The following CHCHD3 variants were observed in gnomAD, a reference collection of about 807,000 sequenced individuals.
The protein encoded by CHCHD3 is MICOS complex subunit MIC19.
CHCHD3 carries 20 observed loss-of-function variants against 38.2 expected under a neutral mutation model. The ratio of observed to expected loss-of-function variants is 0.52; its 90% confidence interval spans 0.37 to 0.76. CHCHD3 has a LOEUF of 0.76. Among genes scored for constraint, CHCHD3 ranks in the 30% least tolerant of loss-of-function variants. The probability of loss-of-function intolerance (pLI) is 0.00; values close to 1 mark genes in which losing one functional copy is unlikely to be tolerated. For synonymous variants in CHCHD3, 82 were observed against 100.0 expected (o/e 0.82, Z 1.07); for missense variants, 245 against 279.2 (o/e 0.88, Z 0.87).
chr7:132,796,373 T>A, intron 7 of CHCHD3, 69 bp downstream of exon 7: 2 of 1,583,366 alleles, frequency 1.3e-6, no homozygotes, highest in Non-Finnish European at 1.7e-6. Context: ...ATTTAGTCCT[T>A]ACCACTGCCC....
rs566466217 is a variant in CHCHD3 at position 132,785,790 on chromosome 7, T to C, written c.661-130A>G. ...TTAAAAACACAGAAAACAAGGCATA[T>C]GCTTCCTGTTCTCAAAATATTGCTC... On this transcript the variant is annotated intron_variant, in intron 7 of 7. Coordinates refer to ENST00000262570, the MANE Select transcript of CHCHD3 (RefSeq NM_017812.4). The C allele has an allele frequency of 7.0e-5, 66 of 940,680 alleles. No homozygotes were observed. In the African/African-American group the frequency reaches 8.8e-4, roughly 12 times the overall value. 58.3% of individuals were successfully genotyped at this position (940,680 alleles called of 1,614,324 possible).
At chr7:132,948,546 G>A (rs1283607030) in intron 4 of CHCHD3, among the ~76,000 whole-genome samples, 4 of 152,124 alleles carry the variant, frequency 2.6e-5, no homozygotes, top group African/African-American at 7.2e-5. Flanking sequence ...ATGTGAAATC[G>A]CAGTCAGTTC....
chr7:132,790,417 G>A (rs184406242), intron 7 of CHCHD3, among the ~76,000 whole-genome samples: 28 of 152,220 alleles, frequency 1.8e-4, no homozygotes, highest in Admixed American at 1.2e-3. Flanking sequence ...AAAATGTCAC[G>A]AAGCAACGAT....
intron 6 of CHCHD3, among the ~76,000 whole-genome samples, chr7:132,831,065 A>T (rs1807636498): frequency 1.3e-5 from 2 of 152,302 alleles, no homozygotes; most frequent in South Asian, 4.1e-4. Context: ...AAAAGCCCAA[A>T]TCCTTGCCTG....
At chr7:132,837,533 A>G (rs1294638646) in intron 6 of CHCHD3, among the ~76,000 whole-genome samples, 5 of 152,232 alleles carry the variant, frequency 3.3e-5, no homozygotes, top group Non-Finnish European at 7.3e-5. Flanking sequence ...TTTAATCCAC[A>G]TTACAATAAC....
chr7:132,910,039 CAG>C (rs1809903648), intron 4 of CHCHD3, among the ~76,000 whole-genome samples: 1 of 152,196 alleles, frequency 6.6e-6, no homozygotes, highest in African/African-American at 2.4e-5. Flanking sequence ...CACTTATAAG[CAG>C]ACTTTTTCCA....
At chr7:132,839,246 G>A (rs901589357) in intron 5 of CHCHD3, among the ~76,000 whole-genome samples, 2 of 151,516 alleles carry the variant, frequency 1.3e-5, no homozygotes, top group African/African-American at 2.4e-5. Flanking sequence ...TCATTTCCAC[G>A]TGACCACAAG....
At chr7:133,040,710 C>T (rs890588267) in intron 2 of CHCHD3, among the ~76,000 whole-genome samples, 2 of 152,120 alleles carry the variant, frequency 1.3e-5, no homozygotes, top group Non-Finnish European at 2.9e-5. Flanking sequence ...CCCATGAACA[C>T]GTCGATGATG....
chr7:133,082,042 G>T lies in CHCHD3; in HGVS notation c.-105C>A. 9.3e-7 allele frequency: 1 copy of T among 1,075,682 alleles called. No individual in the cohort carries two copies. Among genetic ancestry groups the T allele is most frequent in the Non-Finnish European group, 1.3e-6 (1 of 766,522 alleles). 66.6% of individuals were successfully genotyped at this position (1,075,682 alleles called of 1,614,324 possible). A position where few individuals can be genotyped will look rare whatever the true frequency, so the allele number is the denominator to read the frequency against. ...AGGGCCTGGATTCTTTTCCCGCACAGCGGGAGCAAGGCCACGACCCCCAGA... is the reference window on the plus strand; with the variant it reads ...AGGGCCTGGATTCTTTTCCCGCACATCGGGAGCAAGGCCACGACCCCCAGA... On this transcript the variant is annotated 5_prime_UTR_variant, in exon 1 of 8. The change creates a new upstream start codon in the 5' untranslated region. Transcript: ENST00000262570.
chr7:132,801,444 C>CA (rs1406872199), intron 6 of CHCHD3, among the ~76,000 whole-genome samples: 1 of 152,180 alleles, frequency 6.6e-6, no homozygotes, highest in African/African-American at 2.4e-5. Context: ...CAAACAGCTC[C>CA]AAAAGCTGCC....
intron 6 of CHCHD3, among the ~76,000 whole-genome samples, chr7:132,807,905 CT>C: frequency 6.6e-6 from 1 of 151,698 alleles, no homozygotes. Flanking sequence ...CGAGAAATTG[CT>C]GTAATGAAGT....
chr7:132,973,988 A>G (rs1478830813), intron 4 of CHCHD3: 2 of 1,287,662 alleles, frequency 1.6e-6, no homozygotes, highest in East Asian at 1.1e-4. Flanking sequence ...TAAGCAGTCA[A>G]CACTCCAGGT....
intron 7 of CHCHD3, among the ~76,000 whole-genome samples, chr7:132,792,212 A>G (rs1409572846): frequency 6.6e-6 from 1 of 152,040 alleles, no homozygotes; most frequent in African/African-American, 2.4e-5. Context: ...TTCCCATGGT[A>G]CTTCACAGGA....
rs1434135018 is a variant in CHCHD3 at position 133,033,947 on chromosome 7, T to A, written c.170-9320A>T. Reference sequence around the variant, plus strand: ...CAAATTGCAACCTAAACACTCCAGGTCTCTGTGAGATATCACAAGAATGTA... The same window carrying A: ...CAAATTGCAACCTAAACACTCCAGGACTCTGTGAGATATCACAAGAATGTA... On this transcript the variant is annotated intron_variant, in intron 2 of 7. Coordinates refer to ENST00000262570, the MANE Select transcript of CHCHD3 (RefSeq NM_017812.4). Among the ~76,000 whole-genome samples, 3 of 114,624 alleles carry A rather than the reference T, an allele frequency of 2.6e-5. No individual in the cohort carries two copies. The East Asian group carries it at 8.5e-4, about 33-fold the overall frequency. 75.2% of individuals were successfully genotyped at this position (114,624 alleles called of 152,430 possible).
At chr7:132,956,000 T>G (rs559244034) in intron 4 of CHCHD3, among the ~76,000 whole-genome samples, 1 of 152,308 alleles carries the variant, frequency 6.6e-6, no homozygotes, top group African/African-American at 2.4e-5. Context: ...GATCAGTCTA[T>G]TCAGAAAGGA....
intron 4 of CHCHD3, among the ~76,000 whole-genome samples, chr7:132,946,676 G>A (rs1293122897): frequency 6.6e-6 from 1 of 151,656 alleles, no homozygotes; most frequent in Non-Finnish European, 1.5e-5. Flanking sequence ...GTAAAACCTG[G>A]TATATATCAG....
At chr7:133,052,526 G>A (rs749823114) in intron 2 of CHCHD3, among the ~76,000 whole-genome samples, 6 of 152,146 alleles carry the variant, frequency 3.9e-5, no homozygotes, top group Non-Finnish European at 7.3e-5. Context: ...CAGCAAGCAG[G>A]AGAAAGCTTG....
chr7:132,846,834 T>C (rs1485052594), intron 5 of CHCHD3, among the ~76,000 whole-genome samples: 1 of 152,174 alleles, frequency 6.6e-6, no homozygotes, highest in Non-Finnish European at 1.5e-5. Context: ...CTACTACAAA[T>C]TGACAAACAC....
intron 3 of CHCHD3, among the ~76,000 whole-genome samples, chr7:133,009,886 T>C (rs1812815507): frequency 6.6e-6 from 1 of 152,192 alleles, no homozygotes; most frequent in South Asian, 2.1e-4. Context: ...ATGATATTCA[T>C]ATACTGTCAA....
Sources: gnomAD v4.1 joint callset for allele counts (sites outside exome capture counted in the v4.1 genomes callset) on GRCh38, gnomAD v4.1.1 for gene constraint, MANE v1.5 for transcripts, NCBI Gene and HGNC (gene_info 2026-07-23, HGNC 2026-07-21) for gene names.